The following DPYSL5 variants were observed in gnomAD, a reference collection of about 807,000 sequenced individuals.
The protein encoded by DPYSL5 is dihydropyrimidinase-related protein 5.
In DPYSL5, 9 loss-of-function variants were observed where a neutral mutation model predicts 58.4. The observed-to-expected ratio is 0.15, with a 90% confidence interval of 0.09 to 0.27. The LOEUF is 0.27. Among genes scored for constraint, DPYSL5 ranks in the 10% least tolerant of loss-of-function variants. The probability of loss-of-function intolerance (pLI) is 1.00; values close to 1 mark genes in which losing one functional copy is unlikely to be tolerated. For missense variants in DPYSL5, 499 were observed against 770.6 expected, an observed-to-expected ratio of 0.65 and a Z score of 4.17; for synonymous variants, 293 against 301.9, an observed-to-expected ratio of 0.97 and a Z score of 0.31.
intron 1 of DPYSL5, among the ~76,000 whole-genome samples, chr2:26,890,959 C>T (rs932910128): frequency 6.6e-6 from 1 of 152,178 alleles, no homozygotes; most frequent in Non-Finnish European, 1.5e-5. Context: ...ACCCTTAAAA[C>T]TTTCTAAGAG....
intron 8 of DPYSL5, among the ~76,000 whole-genome samples, chr2:26,936,514 G>A (rs72851883): frequency 0.015 from 2,272 of 152,294 alleles, 66 homozygotes; most frequent in African/African-American, 0.05. Flanking sequence ...CACGGCATGG[G>A]GATGGTCATT....
At position 26,927,479 on chromosome 2, in the gene DPYSL5, CAGTT is replaced by C. The variant is rs113148529; in HGVS notation, c.600+52_600+55del. On this transcript the variant is annotated intron_variant, in intron 4 of 12. Coordinates refer to ENST00000288699, the MANE Select transcript of DPYSL5 (RefSeq NM_020134.4). The surrounding 1 kb of genome is among the most constrained non-coding windows in gnomAD (Gnocchi z 4.3). The stretch of plus-strand genomic sequence containing the variant: ...TTGGATGGAGGGACACCAGTGGAGA[CAGTT>C]AGTTCTCAGGGGATTCCTGACCACC... The C allele has an allele frequency of 7.3e-3, 11,682 of 1,593,628 alleles. 448 individuals carry two copies. In the African/African-American group the frequency reaches 0.11, roughly 14 times the overall value.
Position 26,942,660 on chromosome 2 carries a change from C to T in DPYSL5, c.1350C>T (p.Gly450=). The change falls in exon 11 of 13, where the codon GGC becomes GGT. Residue 450 remains glycine (G), a synonymous_variant. Coordinates refer to ENST00000288699, the MANE Select transcript of DPYSL5 (RefSeq NM_020134.4). The surrounding 1 kb of genome is among the most constrained non-coding windows in gnomAD (Gnocchi z 5.9). The stretch of plus-strand genomic sequence containing the variant: ...GGGGGCGCGTCGTGTATGAGAACGG[C>T]GTCTTCATGTGCGCCGAGGGCACCG... ...ISRGRVVYEN[G]VFMCAEGTGK... is the part of the protein sequence containing the mutation. 15 of 1,614,078 alleles carry T rather than the reference C, an allele frequency of 9.3e-6. No individual in the cohort carries two copies. The highest frequency in any genetic ancestry group is 1.3e-5 in the Non-Finnish European group (15 of 1,180,026).
At chr2:26,932,522 C>G (rs937154066) in intron 6 of DPYSL5, among the ~76,000 whole-genome samples, 3 of 152,218 alleles carry the variant, frequency 2.0e-5, no homozygotes, top group African/African-American at 7.2e-5. Context: ...CACTTTAGAG[C>G]TCTGGCCGCT....
intron 5 of DPYSL5, among the ~76,000 whole-genome samples, chr2:26,930,510 C>T (rs952520378): frequency 6.6e-6 from 1 of 152,192 alleles, no homozygotes; most frequent in Non-Finnish European, 1.5e-5. Flanking sequence ...CCACAATGCG[C>T]AGACACCCCC....
chr2:26,876,394 C>G (rs1663409716), intron 1 of DPYSL5, among the ~76,000 whole-genome samples: 1 of 152,092 alleles, frequency 6.6e-6, no homozygotes, highest in Non-Finnish European at 1.5e-5. Context: ...GGAGGACGAA[C>G]CTGGTGGAGA....
chr2:26,903,654 G>T (rs1232426669), intron 2 of DPYSL5, among the ~76,000 whole-genome samples: 2 of 152,024 alleles, frequency 1.3e-5, no homozygotes, highest in Non-Finnish European at 2.9e-5. Flanking sequence ...AATCCCCTGG[G>T]TCTGCCTTGG....
intron 1 of DPYSL5, among the ~76,000 whole-genome samples, chr2:26,872,685 CAA>C (rs57455387): frequency 2.2e-3 from 313 of 142,796 alleles, no homozygotes; most frequent in African/African-American, 5.9e-3. Context: ...GACTCTGTCT[CAA>C]AAAAAAAAAA....
At chr2:26,926,370 T>G (rs1664830054) in intron 3 of DPYSL5, among the ~76,000 whole-genome samples, 1 of 152,222 alleles carries the variant, frequency 6.6e-6, no homozygotes. Context: ...CCCCTGGAGC[T>G]GGCCTAGAAT....
chr2:26,866,876 T>C (rs1196601736), intron 1 of DPYSL5, among the ~76,000 whole-genome samples: 3 of 151,832 alleles, frequency 2.0e-5, no homozygotes, highest in Admixed American at 2.0e-4. Flanking sequence ...AGATTACAGG[T>C]GTGTGCCACC....
rs1665551659 is a variant in DPYSL5 at position 26,948,673 on chromosome 2, A to T, written c.*1678A>T. The stretch of plus-strand genomic sequence containing the variant: ...GGAGATCGAGACCATCCTGGCTAAC[A>T]CGGTGAAACCCCGTCTCTACTAAAA... On this transcript the variant is annotated 3_prime_UTR_variant, in exon 13 of 13. Transcript: ENST00000288699. 6.6e-6 allele frequency: 1 copy of T among 152,548 alleles called. No individual in the cohort carries two copies. The highest frequency in any genetic ancestry group is 2.1e-4 in the South Asian group (1 of 4,838). 9.4% of individuals were successfully genotyped at this position (152,548 alleles called of 1,614,324 possible). A position where few individuals can be genotyped will look rare whatever the true frequency, so the allele number is the denominator to read the frequency against.
At position 26,934,527 on chromosome 2, in the gene DPYSL5, C is replaced by T. The variant is rs368483558; in HGVS notation, c.791-51C>T. On this transcript the variant is annotated intron_variant, in intron 7 of 12. Coordinates refer to ENST00000288699, the MANE Select transcript of DPYSL5 (RefSeq NM_020134.4). The surrounding 1 kb of genome is among the most constrained non-coding windows in gnomAD (Gnocchi z 4.3). The stretch of plus-strand genomic sequence containing the variant: ...AAAATGAGAGGCACACACCAGCGAT[C>T]GCTCAGGTTCGGTGGCTTCCTGGTT... 8.8e-6 allele frequency: 14 copies of T among 1,582,066 alleles called. No homozygotes were observed. The highest frequency in any genetic ancestry group is 4.5e-5 in the East Asian group (2 of 44,548).
At chr2:26,928,759 GCGT>G in intron 5 of DPYSL5, among the ~76,000 whole-genome samples, 1 of 28,798 alleles carries the variant, frequency 3.5e-5, no homozygotes. Context: ...ATACGTGTGT[GCGT>G]GTGTGTGTGT....
At chr2:26,915,086 T>C (rs1664530144) in intron 2 of DPYSL5, among the ~76,000 whole-genome samples, 1 of 152,088 alleles carries the variant, frequency 6.6e-6, no homozygotes, top group Non-Finnish European at 1.5e-5. Flanking sequence ...TCCTCCTGTG[T>C]AATCTGTTAC....
chr2:26,928,328 G>A lies in DPYSL5; in HGVS notation c.669+5G>A. The A allele has an allele frequency of 6.2e-7, 1 of 1,613,720 alleles. No homozygotes were observed. The highest frequency in any genetic ancestry group is 8.5e-7 in the Non-Finnish European group (1 of 1,179,788). On this transcript the variant is annotated splice_donor_5th_base_variant and intron_variant, in intron 5 of 12. Coordinates refer to ENST00000288699, the MANE Select transcript of DPYSL5 (RefSeq NM_020134.4). ...GAGATCAGCCGTCCAGAGGAGGTGA[G>A]AAACACTTCCTGTAGCCTTTGTCAG...
At chr2:26,928,756 TGTGC>T (rs143921200) in intron 5 of DPYSL5, among the ~76,000 whole-genome samples, 25,792 of 63,896 alleles carry the variant, frequency 0.4, 8,303 homozygotes, top group East Asian at 0.55. Flanking sequence ...CACATACGTG[TGTGC>T]GTGTGTGTGT....
Position 26,857,358 on chromosome 2 carries a change from G to A in DPYSL5, c.-5+9104G>A, listed in dbSNP as rs188100310. Among the ~76,000 whole-genome samples the A allele has an allele frequency of 2.0e-5, 3 of 152,082 alleles. No individual in the cohort carries two copies. In the East Asian group the frequency reaches 5.8e-4, roughly 29 times the overall value. On this transcript the variant is annotated intron_variant, in intron 1 of 12. Coordinates refer to ENST00000288699, the MANE Select transcript of DPYSL5 (RefSeq NM_020134.4). ...TCGAGACCAGCCTGGCCAACATATA[G>A]CGAAACCCCGTCTCTACTAAAAAAC...
chr2:26,912,926 C>T (rs776265327), intron 2 of DPYSL5, among the ~76,000 whole-genome samples: 3 of 152,122 alleles, frequency 2.0e-5, no homozygotes, highest in Non-Finnish European at 2.9e-5. Flanking sequence ...GCTGGGGAGC[C>T]CCTCCGTCAG....
chr2:26,853,825 C>T (rs954306314), intron 1 of DPYSL5, among the ~76,000 whole-genome samples: 1 of 152,094 alleles, frequency 6.6e-6, no homozygotes, highest in Non-Finnish European at 1.5e-5. Context: ...AATCTCCTTT[C>T]CTTAAAGTCA....
Sources: allele counts gnomAD v4.1 joint callset (sites outside exome capture counted in the v4.1 genomes callset), GRCh38; gene constraint gnomAD v4.1.1; non-coding constraint Gnocchi (gnomAD v3.1); transcripts MANE v1.5; gene names NCBI Gene and HGNC (gene_info 2026-07-23, HGNC 2026-07-21).